RAPGEF2: variants seen among roughly 807,000 people sequenced by gnomAD.
RAPGEF2 encodes the protein PDZ domain containing guanine nucleotide exchange factor (GEF) 1.
In RAPGEF2, 54 loss-of-function variants were observed where a neutral mutation model predicts 186.7. The observed-to-expected ratio is 0.29, with a 90% CI of 0.23 to 0.36. RAPGEF2 has a LOEUF of 0.36. Ranked by LOEUF, RAPGEF2 falls within the 10% of genes least tolerant of loss-of-function variation. The pLI is 1.00. For missense variants in RAPGEF2, 1,532 were observed against 2,045.0 expected, an observed-to-expected ratio of 0.75 and a Z score of 4.84; for synonymous variants, 712 against 705.9, an observed-to-expected ratio of 1.01 and a Z score of -0.14.
intron 17 of RAPGEF2, among the ~76,000 whole-genome samples, chr4:159,338,079 G>C (rs897556215): frequency 1.3e-5 from 2 of 151,810 alleles, no homozygotes; most frequent in Admixed American, 6.6e-5. Flanking sequence ...AACAAAGCAA[G>C]ATGCTATATC....
At chr4:159,327,440 G>C (rs376412777) in intron 11 of RAPGEF2, 20 of 152,288 alleles carry the variant, frequency 1.3e-4, no homozygotes, top group Admixed American at 1.3e-3. Flanking sequence ...GAGGCAGGCG[G>C]ATCATGAGGT....
At chr4:159,117,521 A>G (rs940931178) in intron 1 of RAPGEF2, among the ~76,000 whole-genome samples, 2 of 151,812 alleles carry the variant, frequency 1.3e-5, no homozygotes, top group Non-Finnish European at 2.9e-5. Context: ...GGGAGGCAAC[A>G]TGCTAAAATC....
intron 1 of RAPGEF2, among the ~76,000 whole-genome samples, chr4:159,129,357 A>G (rs745887457): frequency 1.3e-5 from 2 of 152,158 alleles, no homozygotes; most frequent in Non-Finnish European, 2.9e-5. Flanking sequence ...TCAGTGTAAT[A>G]ATACATAATG....
At chr4:159,347,642 G>GGCGTGGT (rs879641770) in intron 25 of RAPGEF2, among the ~76,000 whole-genome samples, 18 of 152,178 alleles carry the variant, frequency 1.2e-4, no homozygotes, top group Non-Finnish European at 2.1e-4. Context: ...AAATTAGCCG[G>GGCGTGGT]GCGTGGTGGC....
intron 1 of RAPGEF2, among the ~76,000 whole-genome samples, chr4:159,125,818 A>G (rs921379633): frequency 2.0e-5 from 3 of 152,054 alleles, no homozygotes; most frequent in African/African-American, 4.8e-5. Flanking sequence ...AATTTTATCA[A>G]TATGTGTTAA....
At chr4:159,143,466 A>C (rs1742569634) in intron 1 of RAPGEF2, among the ~76,000 whole-genome samples, 1 of 152,208 alleles carries the variant, frequency 6.6e-6, no homozygotes, top group Admixed American at 6.5e-5. Context: ...TATCAATCTT[A>C]TGATATATTC....
chr4:159,164,776 C>T (rs1258075891), intron 1 of RAPGEF2, among the ~76,000 whole-genome samples: 4 of 152,024 alleles, frequency 2.6e-5, no homozygotes, highest in African/African-American at 4.8e-5. Context: ...GATGTGACGT[C>T]GCTACAAAAA....
At chr4:159,170,842 AC>A (rs1745841189) in intron 1 of RAPGEF2, among the ~76,000 whole-genome samples, 1 of 138,792 alleles carries the variant, frequency 7.2e-6, no homozygotes, top group African/African-American at 2.5e-5. Flanking sequence ...TCCAGGTCTT[AC>A]GTTTAAGTCT....
At chr4:159,157,937 T>C (rs947142031) in intron 1 of RAPGEF2, among the ~76,000 whole-genome samples, 2 of 152,098 alleles carry the variant, frequency 1.3e-5, no homozygotes, top group African/African-American at 4.8e-5. Context: ...TTTTGAGGAA[T>C]TGGGGTAGGG....
intron 3 of RAPGEF2, among the ~76,000 whole-genome samples, chr4:159,205,821 C>T (rs1028515000): frequency 3.3e-5 from 5 of 152,192 alleles, no homozygotes; most frequent in Non-Finnish European, 5.9e-5. Flanking sequence ...AACCTCTTTT[C>T]AAGTTACCCA....
intron 7 of RAPGEF2, among the ~76,000 whole-genome samples, chr4:159,283,794 A>G (rs953964241): frequency 6.6e-6 from 1 of 152,200 alleles, no homozygotes; most frequent in Non-Finnish European, 1.5e-5. Context: ...TGTTCTTAAA[A>G]ATTAGTGGTG....
intron 7 of RAPGEF2, among the ~76,000 whole-genome samples, chr4:159,265,345 G>A (rs1189332901): frequency 1.3e-5 from 2 of 152,178 alleles, no homozygotes; most frequent in African/African-American, 2.4e-5. Flanking sequence ...CTTCAGTGAA[G>A]GGATAAACAC....
rs550244273 is a variant in RAPGEF2 at position 159,353,700 on chromosome 4, C to G, written c.4305C>G (p.Phe1435Leu). The G allele has an allele frequency of 6.3e-7, 1 of 1,595,092 alleles. No individual in the cohort carries two copies. Among genetic ancestry groups the G allele is most frequent in the East Asian group, 2.2e-5 (1 of 44,778 alleles). ...AGAGAAGCTGGGAGACTCTTCCATT[C>G]GGGCATACTCACTTTGATTATTCAG... ...QHQRSWETLP[F>L]GHTHFDYSGD... The change falls in exon 28 of 30, where the codon TTC becomes TTG. Residue 1435 changes from phenylalanine (F) to leucine (L), a missense_variant. By Grantham distance (22) the Phe-to-Leu change is conservative. This residue lies in a region of RAPGEF2 where 594 missense variants were observed against 608.5 expected (regional missense o/e 0.98). Transcript: ENST00000691494. This position sits in a 1 kb window ranked among gnomAD's most constrained non-coding sequence, Gnocchi z 4.3.
At position 159,198,243 on chromosome 4, in the gene RAPGEF2, T is replaced by TTCCTTC. The variant is rs1561074126; in HGVS notation, c.197+4987_197+4988insTCCTTC. Among the ~76,000 whole-genome samples, 12 of 128,990 alleles carry TTCCTTC rather than the reference T, an allele frequency of 9.3e-5. No homozygotes were observed. In the South Asian group the frequency reaches 1.0e-3, roughly 11 times the overall value. The allele number at this position is 128,990 out of a possible 152,430, so 84.6% of individuals were successfully genotyped here. ...TTTCTTTTATTTTCTTTTCTTTCTT[T>TTCCTTC]CTTCCTTTCTTTCTTTCTCTTTCTT... On this transcript the variant is annotated intron_variant, in intron 3 of 29. Transcript: ENST00000691494.
At chr4:159,131,538 TTTTTTTTTA>T (rs1376248268) in intron 1 of RAPGEF2, among the ~76,000 whole-genome samples, 3 of 149,676 alleles carry the variant, frequency 2.0e-5, no homozygotes, top group African/African-American at 7.4e-5. Context: ...TTTTTTTTTT[TTTTTTTTTA>T]GCTTTTGCTG....
At chr4:159,162,478 C>T (rs1197732794) in intron 1 of RAPGEF2, among the ~76,000 whole-genome samples, 1 of 151,694 alleles carries the variant, frequency 6.6e-6, no homozygotes, top group East Asian at 1.9e-4. Flanking sequence ...TTTTCAACCA[C>T]CTGGGAAGCA....
intron 3 of RAPGEF2, among the ~76,000 whole-genome samples, chr4:159,198,426 CTCTCTCTT>C (rs1199851263): frequency 3.1e-5 from 4 of 130,384 alleles, no homozygotes; most frequent in Admixed American, 1.6e-4. Flanking sequence ...CTCTCTCTCT[CTCTCTCTT>C]TCTTTCTTTC....
intron 1 of RAPGEF2, among the ~76,000 whole-genome samples, chr4:159,124,367 C>T (rs1035704109): frequency 4.6e-5 from 7 of 151,578 alleles, no homozygotes; most frequent in Non-Finnish European, 7.4e-5. Flanking sequence ...TGTGAAACCC[C>T]GTCTCTACCA....
chr4:159,191,400 A>G (rs1310798467), intron 2 of RAPGEF2, among the ~76,000 whole-genome samples: 1 of 152,090 alleles, frequency 6.6e-6, no homozygotes, highest in African/African-American at 2.4e-5. Flanking sequence ...TTAGGGACCA[A>G]ATGATGGAGG....
Sources: allele counts gnomAD v4.1 joint callset (sites outside exome capture counted in the v4.1 genomes callset), GRCh38; gene constraint gnomAD v4.1.1; regional missense constraint gnomAD v4.1.1; non-coding constraint Gnocchi (gnomAD v3.1); transcripts MANE v1.5; gene names NCBI Gene and HGNC (gene_info 2026-07-23, HGNC 2026-07-21).